Variants in TRUB2 observed in about 807,000 individuals in gnomAD.
TRUB2 encodes the protein TruB pseudouridine synthase family member 2.
In TRUB2, 31 loss-of-function variants were observed where a neutral mutation model predicts 31.9. The observed-to-expected ratio is 0.97, with a 90% CI of 0.73 to 1.31. The LOEUF (loss-of-function observed/expected upper bound fraction) is 1.31. Ranked by LOEUF, TRUB2 falls within the 50% of genes most tolerant of loss-of-function variation. The pLI, the probability that TRUB2 is intolerant of heterozygous loss-of-function variation, is 0.00. For synonymous variants in TRUB2, 201 were observed against 182.6 expected (o/e 1.10, Z -0.81); for missense variants, 451 against 439.6 (o/e 1.03, Z -0.23).
chr9:128,321,900 C>T (rs955932755), intron 1 of TRUB2, among the ~76,000 whole-genome samples, 170 bp from the exon 2 acceptor site: 2 of 152,230 alleles, frequency 1.3e-5, no homozygotes, highest in Admixed American at 1.3e-4. Context: ...CTGCCTCAGC[C>T]TCCAGAGTAG....
At position 128,309,514 on chromosome 9, in the gene TRUB2, T is replaced by C; in HGVS notation, c.*36A>G. The C allele has an allele frequency of 6.3e-7, 1 of 1,581,616 alleles. No homozygotes were observed. The highest frequency in any genetic ancestry group is 1.1e-5 in the South Asian group (1 of 88,534). On this transcript the variant is annotated 3_prime_UTR_variant, in exon 8 of 8. Transcript: ENST00000372890. ...GGTCCAGCTCATAGCAGTTCTTCTA[T>C]TTATCCATCCACTGCCCCAGGAGCT... is the stretch of plus-strand genomic sequence containing the variant.
chr9:128,309,465 C>G lies in TRUB2; in HGVS notation c.*85G>C. 1 of 1,413,260 alleles carries G rather than the reference C, an allele frequency of 7.1e-7. No homozygotes were observed. The highest frequency in any genetic ancestry group is 9.6e-7 in the Non-Finnish European group (1 of 1,044,460). The allele number at this position is 1,413,260 out of a possible 1,614,324, so 87.5% of individuals were successfully genotyped here. Reference sequence around the variant, plus strand: ...GTCTTACGTAGAAAAGGTGCCCCTGCTCTCACTTTCTGCACAGCTATCAGG... The same window carrying G: ...GTCTTACGTAGAAAAGGTGCCCCTGGTCTCACTTTCTGCACAGCTATCAGG... On this transcript the variant is annotated 3_prime_UTR_variant, in exon 8 of 8. Coordinates refer to ENST00000372890, the MANE Select transcript of TRUB2 (RefSeq NM_015679.3).
At chr9:128,322,105 A>G (rs2131458917) in intron 1 of TRUB2, among the ~76,000 whole-genome samples, 195 bp downstream of exon 1, 1 of 152,346 alleles carries the variant, frequency 6.6e-6, no homozygotes, top group Middle Eastern at 3.4e-3. Flanking sequence ...GTGACAAGGA[A>G]CAATACTGAG....
In TRUB2 at chr9:128,309,809, A is replaced by AAGAC. The variant is rs1831936513; in HGVS notation, c.736_737insGTCT (p.Leu246ArgfsTer100). 3 of 1,614,120 alleles carry AAGAC rather than the reference A, an allele frequency of 1.9e-6. No individual in the cohort carries two copies. Among genetic ancestry groups the AAGAC allele is most frequent in the Non-Finnish European group, 2.5e-6 (3 of 1,180,054 alleles). On this transcript the variant is annotated frameshift_variant, in exon 8 of 8. Coordinates refer to ENST00000372890, the MANE Select transcript of TRUB2 (RefSeq NM_015679.3). LOFTEE classifies it high-confidence loss of function. ...TTGGGTGCAGACAGCAGTGGTCTTT[A>AAGAC]GTTCCAGGCCGATTTCATGAACCAA...
At chr9:128,313,255 G>C (rs1387222090) in intron 5 of TRUB2, among the ~76,000 whole-genome samples, 1 of 146,970 alleles carries the variant, frequency 6.8e-6, no homozygotes, top group Admixed American at 6.9e-5. Flanking sequence ...GGCTGGGCGC[G>C]GTGGCTCATG....
chr9:128,319,670 ACT>A (rs1334559896), intron 2 of TRUB2, among the ~76,000 whole-genome samples: 1 of 136,882 alleles, frequency 7.3e-6, no homozygotes, highest in Non-Finnish European at 1.6e-5. Context: ...GCAGAGTCTC[ACT>A]CTTTCACCCA....
rs1003518830 is a variant in TRUB2, at chr9:128,309,229, C to T, written c.*321G>A. ...TGCAGTGGCTATTCACAGGCGCCGT[C>T]TAGCGCACTACAACCTTAAACTCCT... On this transcript the variant is annotated 3_prime_UTR_variant, in exon 8 of 8. Coordinates refer to ENST00000372890, the MANE Select transcript of TRUB2 (RefSeq NM_015679.3). The T allele has an allele frequency of 2.7e-5, 9 of 334,354 alleles. No homozygotes were observed. The highest frequency in any genetic ancestry group is 1.2e-4 in the African/African-American group (6 of 48,344). The allele number at this position is 334,354 out of a possible 1,614,324, so 20.7% of individuals were successfully genotyped here.
chr9:128,312,609 A>T lies in TRUB2; in HGVS notation c.461-1008T>A, dbSNP rs866187782. Among the ~76,000 whole-genome samples the T allele has an allele frequency of 7.0e-3, 964 of 138,102 alleles. 6 individuals are homozygous for T. The highest frequency in any genetic ancestry group is 0.038 in the Middle Eastern group (9 of 236). 90.6% of individuals were successfully genotyped at this position (138,102 alleles called of 152,430 possible). A position where few individuals can be genotyped will look rare whatever the true frequency, so the allele number is the denominator to read the frequency against. The stretch of plus-strand genomic sequence containing the variant: ...CCATGCCCGGCTAATTTTTTGTATT[A>T]TTATTATTTTTTTTTTTTTTTTTTG... On this transcript the variant is annotated intron_variant, in intron 5 of 7. Coordinates refer to ENST00000372890, the MANE Select transcript of TRUB2 (RefSeq NM_015679.3).
intron 5 of TRUB2, 76 bp downstream of exon 5, chr9:128,313,732 C>T (rs539630399): frequency 1.7e-5 from 23 of 1,330,858 alleles, no homozygotes; most frequent in East Asian, 9.2e-5. Flanking sequence ...AAGGGGCCAG[C>T]GTGGCCTAGG....
chr9:128,319,965 G>T (rs1832135034), intron 2 of TRUB2, among the ~76,000 whole-genome samples: 1 of 151,534 alleles, frequency 6.6e-6, no homozygotes, highest in Non-Finnish European at 1.5e-5. Flanking sequence ...GCCCAGGCTG[G>T]AGTGCAGTGG....
At chr9:128,315,710 G>A in intron 3 of TRUB2, 82 bp from the exon 4 acceptor site, 2 of 1,477,248 alleles carry the variant, frequency 1.4e-6, no homozygotes, top group Non-Finnish European at 1.9e-6. Flanking sequence ...CCCACCATCA[G>A]AATACTCCCT....
intron 7 of TRUB2, 147 bp downstream of exon 7, chr9:128,310,740 A>C (rs1831952848): frequency 9.1e-7 from 1 of 1,102,734 alleles, no homozygotes; most frequent in Non-Finnish European, 1.3e-6. Context: ...GGAAGTCGGC[A>C]CCTGATGCCT....
At position 128,321,685 on chromosome 9, in the gene TRUB2, A is replaced by G; in HGVS notation, c.155T>C (p.Phe52Ser). The change falls in exon 2 of 8, where the codon TTC (phenylalanine) becomes TCC (serine). Residue 52 changes from phenylalanine to serine, a missense_variant. Physicochemically the swap from Phe to Ser is radical, Grantham distance 155 (BLOSUM62 -2). Transcript: ENST00000372890. ...KPPAPKQRVR[F>S]LLGPMEGSEE... ...GCTGCCTTCCATGGGGCCCAGCAAGAAGCGAACACGCTGTTTAGGAGCGGG... is the reference window on the plus strand; with the variant it reads ...GCTGCCTTCCATGGGGCCCAGCAAGGAGCGAACACGCTGTTTAGGAGCGGG... 1 of 1,613,952 alleles carries G rather than the reference A, an allele frequency of 6.2e-7. No individual in the cohort carries two copies. Among genetic ancestry groups the G allele is most frequent in the Non-Finnish European group, 8.5e-7 (1 of 1,180,036 alleles).
Position 128,317,046 on chromosome 9 carries a change from G to A in TRUB2, c.316+106C>T. The A allele has an allele frequency of 7.4e-6, 7 of 950,892 alleles. No homozygotes were observed. In the East Asian group the frequency reaches 1.8e-4, roughly 25 times the overall value. The allele number at this position is 950,892 out of a possible 1,614,324, so 58.9% of individuals were successfully genotyped here. On this transcript the variant is annotated intron_variant, in intron 3 of 7. Coordinates refer to ENST00000372890, the MANE Select transcript of TRUB2 (RefSeq NM_015679.3). The stretch of plus-strand genomic sequence containing the variant: ...GGGCAGGAATCAGGGCAGGAGAGGA[G>A]TGGTGGGACGTGGGTGCCAGGTAAG...
intron 2 of TRUB2, among the ~76,000 whole-genome samples, chr9:128,319,533 G>T (rs1832126280): frequency 1.3e-5 from 2 of 152,008 alleles, no homozygotes; most frequent in Non-Finnish European, 2.9e-5. Context: ...TATCCAAGGG[G>T]ATTGGGTCCA....
intron 5 of TRUB2, among the ~76,000 whole-genome samples, chr9:128,312,974 G>A (rs1293509576): frequency 6.6e-6 from 1 of 152,002 alleles, no homozygotes; most frequent in Non-Finnish European, 1.5e-5. Flanking sequence ...CCAGCACTTT[G>A]GGAGGCCGAG....
At chr9:128,319,272 G>A (rs1265056815) in intron 2 of TRUB2, among the ~76,000 whole-genome samples, 1 of 150,722 alleles carries the variant, frequency 6.6e-6, no homozygotes, top group African/African-American at 2.5e-5. Context: ...CTTGCAGTGA[G>A]CCGAGATCGT....
Position 128,321,673 on chromosome 9 carries a change from G to T in TRUB2, c.167C>A (p.Pro56His). 1 of 1,613,838 alleles carries T rather than the reference G, an allele frequency of 6.2e-7. No individual in the cohort carries two copies. ...CTCCTTCTCTTCGCTGCCTTCCATG[G>T]GGCCCAGCAAGAAGCGAACACGCTG... is the stretch of plus-strand genomic sequence containing the variant. ...PKQRVRFLLG[P>H]MEGSEEKELT... The change falls in exon 2 of 8, where the codon CCC (proline) becomes CAC (histidine). Residue 56 changes from proline (P) to histidine (H), a missense_variant. Physicochemically the swap from Pro to His is moderately conservative, Grantham distance 77. Coordinates refer to ENST00000372890, the MANE Select transcript of TRUB2 (RefSeq NM_015679.3).
rs79150891 is a variant in TRUB2 at position 128,322,115 on chromosome 9, G to C, written c.109+185C>G. Among the ~76,000 whole-genome samples, 1,203 of 152,312 alleles carry C rather than the reference G, an allele frequency of 7.9e-3. 14 individuals carry two copies. Among genetic ancestry groups the C allele is most frequent in the African/African-American group, 0.028 (1,162 of 41,574 alleles). On this transcript the variant is annotated intron_variant, in intron 1 of 7. Transcript: ENST00000372890. ...ACCGTGTGACAAGGAACAATACTGA[G>C]TCAGTTTCCCCCTCGGAAAACAGAG...
Sources: allele counts gnomAD v4.1 joint callset (sites outside exome capture counted in the v4.1 genomes callset), GRCh38; gene constraint gnomAD v4.1.1; transcripts MANE v1.5; gene names NCBI Gene and HGNC (gene_info 2026-07-23, HGNC 2026-07-21).